MUC6: variants seen among roughly 807,000 people sequenced by gnomAD.
MUC6 encodes the protein mucin 6, oligomeric mucus/gel-forming (gene/pseudogene), also known as mucin-6.
A neutral mutation model predicts 201.5 loss-of-function variants in MUC6; 188 were observed. The ratio of observed to expected loss-of-function variants is 0.93; its 90% confidence interval spans 0.83 to 1.05. MUC6 has a LOEUF of 1.05. Ranked by LOEUF, MUC6 falls within the 50% of genes least tolerant of loss-of-function variation. The pLI is 0.00. For synonymous variants in MUC6, 1,228 were observed against 1,389.4 expected, an observed-to-expected ratio of 0.88 and a Z score of 2.58; for missense variants, 2,706 against 3,256.9, an observed-to-expected ratio of 0.83 and a Z score of 4.12.
chr11:1,030,805 G>A, intron 6 of MUC6, 25 bp from the exon 7 acceptor site: 1 of 1,533,442 alleles, frequency 6.5e-7, no homozygotes, highest in Non-Finnish European at 8.7e-7. Context: ...CAGGGTCATG[G>A]GGGCAAAGGC....
chr11:1,034,872 G>C (rs1857182589), intron 1 of MUC6, among the ~76,000 whole-genome samples: 1 of 152,168 alleles, frequency 6.6e-6, no homozygotes, highest in Admixed American at 6.5e-5. Flanking sequence ...ACCCGCAGGA[G>C]GTTCCCCGAG....
intron 15 of MUC6, 34 bp from the exon 16 acceptor site, chr11:1,027,851 G>T (rs755340622): frequency 6.2e-7 from 1 of 1,603,234 alleles, no homozygotes; most frequent in Admixed American, 1.7e-5. Flanking sequence ...GCTGGTGGCA[G>T]GCACCCTGCC....
chr11:1,013,782 G>A (rs552945637), intron 32 of MUC6, 117 bp downstream of exon 32: 16 of 1,380,384 alleles, frequency 1.2e-5, no homozygotes, highest in African/African-American at 4.3e-5. Flanking sequence ...CAGATGGAGC[G>A]CAGAGTGGCT....
chr11:1,026,202 C>A, intron 20 of MUC6, 61 bp from the exon 21 acceptor site: 1 of 1,547,946 alleles, frequency 6.5e-7, no homozygotes, highest in Non-Finnish European at 8.7e-7. Context: ...TGGGTGTGGT[C>A]CCTGGAGAGG....
In MUC6 at chr11:1,020,096, A is replaced by G; in HGVS notation, c.3802T>C (p.Ser1268Pro). ...TCAGCTGGAGGCTCCTTACCTCCCG[A>G]GGAGGCTGTGGGCTTGGAGGATGTG... ...TLTSSKPTAS[S>P]GEPPRPTTAV... Residue 1268 changes from serine to proline, a missense_variant, in exon 29 of 33, where the codon TCG (serine) becomes CCG (proline). Around this residue, in one of 10 missense-constraint regions of MUC6, gnomAD observed 1,850 missense variants for 1,958.3 expected, o/e 0.94. Coordinates refer to ENST00000421673, the MANE Select transcript of MUC6 (RefSeq NM_005961.3). 1 of 1,613,204 alleles carries G rather than the reference A, an allele frequency of 6.2e-7. No individual in the cohort carries two copies. Among genetic ancestry groups the G allele is most frequent in the Non-Finnish European group, 8.5e-7 (1 of 1,179,784 alleles).
chr11:1,031,093 GGGCCTCAGAGGCCC>G, intron 5 of MUC6, 37 bp from the exon 6 acceptor site: 1 of 1,539,526 alleles, frequency 6.5e-7, no homozygotes, highest in South Asian at 1.2e-5. Flanking sequence ...CGTGGGGGCT[GGGCCTCAGAGGCCC>G]CCCTGCCCTG....
Position 1,031,719 on chromosome 11 carries a change from G to A in MUC6, c.371C>T (p.Pro124Leu), listed in dbSNP as rs1345193191. ...SVKDIGVISL[P>L]YTSNGLQITP... ...GATCTGGAGTCCATTGCTGGTATAGGGCAGGCTGATGACCCTGTGGGGCAA... is the reference window on the plus strand; with the variant it reads ...GATCTGGAGTCCATTGCTGGTATAGAGCAGGCTGATGACCCTGTGGGGCAA... The change falls in exon 4 of 33, where the codon CCC becomes CTC. Residue 124 changes from proline to leucine, a missense_variant. Coordinates refer to ENST00000421673, the MANE Select transcript of MUC6 (RefSeq NM_005961.3). The A allele has an allele frequency of 1.9e-6, 3 of 1,550,626 alleles. No individual in the cohort carries two copies. Among genetic ancestry groups the A allele is most frequent in the African/African-American group, 2.7e-5 (2 of 73,036 alleles).
At chr11:1,029,407 C>A (rs752504296) in intron 9 of MUC6, 41 bp from the exon 10 acceptor site, 2 of 1,593,278 alleles carry the variant, frequency 1.3e-6, no homozygotes, top group Non-Finnish European at 8.5e-7. Context: ...TGGGCAGGGC[C>A]GCTGGAGCCA....
rs770609005 is a variant in MUC6 at position 1,018,725 on chromosome 11, G to T, written c.4076C>A (p.Thr1359Lys). 2.5e-6 allele frequency: 4 copies of T among 1,587,676 alleles called. No homozygotes were observed. The highest frequency in any genetic ancestry group is 1.1e-5 in the South Asian group (1 of 87,428). Reference protein sequence around the residue: ...QELPGTTATQTTGPRPTPAST... With the variant: ...QELPGTTATQKTGPRPTPAST... ...TGCTGGGGTTGGACGTGGGCCTGTC[G>T]TCTGGGTGGCCGTTGTTCCTGGCAG... The change falls in exon 31 of 33, where the codon ACG becomes AAG. Residue 1359 changes from threonine to lysine, a missense_variant. Thr to Lys is a moderately conservative substitution (Grantham distance 78, BLOSUM62 -1). This residue lies in a region of MUC6 where 1,850 missense variants were observed against 1,958.3 expected (regional missense o/e 0.94). Coordinates refer to ENST00000421673, the MANE Select transcript of MUC6 (RefSeq NM_005961.3).
chr11:1,029,317 G>A lies in MUC6; in HGVS notation c.1186C>T (p.His396Tyr), dbSNP rs769103700. 1 of 1,605,958 alleles carries A rather than the reference G, an allele frequency of 6.2e-7. No homozygotes were observed. Among genetic ancestry groups the A allele is most frequent in the African/African-American group, 1.3e-5 (1 of 74,834 alleles). The change falls in exon 10 of 33, where the codon CAC becomes TAC. Residue 396 changes from histidine to tyrosine, a missense_variant. His to Tyr is a moderately conservative substitution (Grantham distance 83). Transcript: ENST00000421673. ...WVCTERPCPG[H>Y]CSLEGGSFVT... is the part of the protein sequence containing the mutation. ...AAGGAGCCACCTTCCAGGGAGCAGTGTCCGGGGCACGGCCGCTCCGTGCAC... is the reference window on the plus strand; with the variant it reads ...AAGGAGCCACCTTCCAGGGAGCAGTATCCGGGGCACGGCCGCTCCGTGCAC...
At chr11:1,034,254 T>C (rs1336720130) in intron 1 of MUC6, among the ~76,000 whole-genome samples, 6 of 152,172 alleles carry the variant, frequency 3.9e-5, no homozygotes, top group Non-Finnish European at 4.4e-5. Flanking sequence ...GTGGGACACA[T>C]ATTTGGCTGT....
chr11:1,026,060 G>T lies in MUC6; in HGVS notation c.2628C>A (p.Val876=). 1 of 1,595,394 alleles carries T rather than the reference G, an allele frequency of 6.3e-7. No homozygotes were observed. Among genetic ancestry groups the T allele is most frequent in the Non-Finnish European group, 8.5e-7 (1 of 1,171,434 alleles). ...STCTLYGEGH[V]ITFDGQRFVF... is the part of the protein sequence containing the mutation. ...CGAAGCGCTGGCCGTCGAAGGTGAT[G>T]ACGTGGCCCTCCCCGTAGAGGGTGC... Residue 876 remains valine (V), a synonymous_variant, in exon 21 of 33, where the codon GTC becomes GTA. Transcript: ENST00000421673.
chr11:1,013,738 G>A lies in MUC6; in HGVS notation c.7143-105C>T, dbSNP rs928995043. 48 of 1,421,828 alleles carry A rather than the reference G, an allele frequency of 3.4e-5. No homozygotes were observed. The African/African-American group carries it at 5.4e-4, about 16-fold the overall frequency. The allele number at this position is 1,421,828 out of a possible 1,614,324, so 88.1% of individuals were successfully genotyped here. ...GCAGAGGCCTGGACCTCCCCGCTGA[G>A]CTCCCGGCTCACAGGGGCCAGGGCG... On this transcript the variant is annotated intron_variant, in intron 32 of 32. Coordinates refer to ENST00000421673, the MANE Select transcript of MUC6 (RefSeq NM_005961.3).
chr11:1,029,220 C>T lies in MUC6; in HGVS notation c.1275+8G>A, dbSNP rs138716331. On this transcript the variant is annotated splice_region_variant and intron_variant, in intron 10 of 32. Coordinates refer to ENST00000421673, the MANE Select transcript of MUC6 (RefSeq NM_005961.3). ...GCCCCTCCCCACGGGCCACAGGGCT[C>T]GTCCTACCTGGAGGAGGATGTAGGT... is the stretch of plus-strand genomic sequence containing the variant. The T allele has an allele frequency of 8.9e-4, 1,436 of 1,606,704 alleles. 32 individuals carry two copies. The Admixed American group carries it at 0.014, about 16-fold the overall frequency.
chr11:1,022,592 G>A (rs1416572494), intron 26 of MUC6, among the ~76,000 whole-genome samples: 1 of 152,204 alleles, frequency 6.6e-6, no homozygotes, highest in Non-Finnish European at 1.5e-5. Flanking sequence ...CATGGTGGGC[G>A]CCTCGGCCGA....
At chr11:1,031,115 C>CA in intron 5 of MUC6, 54 bp downstream of exon 5, 1 of 1,395,092 alleles carries the variant, frequency 7.2e-7, no homozygotes, top group Non-Finnish European at 9.6e-7. Context: ...CCCCCCTGCC[C>CA]TGCCCCCCAC....
chr11:1,027,822 G>A lies in MUC6; in HGVS notation c.1849-5C>T, dbSNP rs751077170. ...GCAGGCCTGGTACACGCACCTCTGC[G>A]GGCAGAGAGCCAGCATGGGCTGGTG... On this transcript the variant is annotated splice_region_variant and splice_polypyrimidine_tract_variant and intron_variant, in intron 15 of 32. Coordinates refer to ENST00000421673, the MANE Select transcript of MUC6 (RefSeq NM_005961.3). 3.7e-6 allele frequency: 6 copies of A among 1,608,674 alleles called. No homozygotes were observed. Among genetic ancestry groups the A allele is most frequent in the Admixed American group, 3.3e-5 (2 of 59,774 alleles).
At chr11:1,022,919 T>C (rs1249229928) in intron 26 of MUC6, among the ~76,000 whole-genome samples, 2 of 151,290 alleles carry the variant, frequency 1.3e-5, no homozygotes, top group African/African-American at 2.4e-5. Context: ...TGAATGTGCA[T>C]GAGTGAATGT....
Position 1,031,160 on chromosome 11 carries a change from C to G in MUC6, c.574+9G>C, listed in dbSNP as rs1413990664. 27 of 1,542,140 alleles carry G rather than the reference C, an allele frequency of 1.8e-5. No individual in the cohort carries two copies. The highest frequency in any genetic ancestry group is 2.2e-5 in the Non-Finnish European group (25 of 1,143,820). On this transcript the variant is annotated intron_variant, in intron 5 of 32. Transcript: ENST00000421673. ...CCCCCAGAGGCCCCCCAGCCCTGCC[C>G]CCACCTACCCTCCTCACTGACAAAC...
Sources: allele counts gnomAD v4.1 joint callset (sites outside exome capture counted in the v4.1 genomes callset), GRCh38; gene constraint gnomAD v4.1.1; regional missense constraint gnomAD v4.1.1; transcripts MANE v1.5; gene names NCBI Gene and HGNC (gene_info 2026-07-23, HGNC 2026-07-21).